Variants in USP30 observed in about 807,000 individuals in gnomAD.
USP30 encodes the protein ubiquitin carboxyl-terminal hydrolase 30.
In USP30, 41 loss-of-function variants were observed where a neutral mutation model predicts 68.2. That is an observed-to-expected ratio of 0.60 (90% CI 0.47 to 0.78). The LOEUF (loss-of-function observed/expected upper bound fraction) is 0.78, where lower values mean the gene tolerates loss of function less well. Among genes scored for constraint, USP30 ranks in the 30% least tolerant of loss-of-function variants. The pLI is 0.00. For synonymous variants in USP30, 229 were observed against 253.7 expected (o/e 0.90, Z 0.93); for missense variants, 522 against 649.4 (o/e 0.80, Z 2.13).
At chr12:109,063,462 G>A (rs1162061713) in intron 3 of USP30, among the ~76,000 whole-genome samples, 1 of 152,198 alleles carries the variant, frequency 6.6e-6, no homozygotes, top group East Asian at 1.9e-4. Flanking sequence ...CTGTCAGTCA[G>A]TGGACATTTG....
intron 1 of USP30, chr12:109,054,625 A>G (rs2040784938): frequency 1.3e-5 from 2 of 152,494 alleles, no homozygotes; most frequent in Admixed American, 6.5e-5. Flanking sequence ...GCTAACATTT[A>G]TTAAGTTCTT....
rs1289893198 is a variant in USP30 at position 109,082,049 on chromosome 12, A to G, written c.867+30A>G. The G allele has an allele frequency of 6.8e-6, 11 of 1,611,746 alleles. No individual in the cohort carries two copies. The East Asian group carries it at 2.5e-4, about 36-fold the overall frequency. ...GCATTGAACCCCAAATGTCATCGCC[A>G]GCTGGCCTGTGTGTGCTGATGTAGC... On this transcript the variant is annotated intron_variant, in intron 9 of 12. Transcript: ENST00000257548.
chr12:109,029,592 CCCAAGAGACTTTCCACCCTCCCT>C (rs1446562479), intron 3 of USP30, among the ~76,000 whole-genome samples: 4 of 152,160 alleles, frequency 2.6e-5, no homozygotes, highest in Non-Finnish European at 5.9e-5. Flanking sequence ...TTGGTGGTTA[CCCAAGAGACTTTCCACCCTCCCT>C]CCGTGCCTGA....
chr12:109,076,832 C>A (rs1478773967), intron 7 of USP30, among the ~76,000 whole-genome samples: 1 of 149,892 alleles, frequency 6.7e-6, no homozygotes, highest in Non-Finnish European at 1.5e-5. Flanking sequence ...CCCAGGTTCA[C>A]GCCATTCTCC....
intron 3 of USP30, among the ~76,000 whole-genome samples, chr12:109,040,013 T>C (rs2040552333): frequency 6.6e-6 from 1 of 152,232 alleles, no homozygotes; most frequent in Non-Finnish European, 1.5e-5. Flanking sequence ...TAAATATTTA[T>C]CACATTTTAA....
Position 109,055,369 on chromosome 12 carries a change from C to CATATATATACATATATATAT in USP30, c.84-1303_84-1284dup, listed in dbSNP as rs2040813301. Among the ~76,000 whole-genome samples the CATATATATACATATATATAT allele has an allele frequency of 1.2e-4, 8 of 68,794 alleles. No homozygotes were observed. In the East Asian group the frequency reaches 2.2e-3, roughly 19 times the overall value. 45.1% of individuals were successfully genotyped at this position (68,794 alleles called of 152,430 possible). A position where few individuals can be genotyped will look rare whatever the true frequency, so the allele number is the denominator to read the frequency against. ...TATTTTATATATATATACACACACA[C>CATATATATACATATATATAT]ATATATATACATATATATATATATA... On this transcript the variant is annotated intron_variant, in intron 1 of 12. Transcript: ENST00000257548.
At chr12:109,084,036 T>C (rs774664424) in intron 11 of USP30, among the ~76,000 whole-genome samples, 1 of 152,178 alleles carries the variant, frequency 6.6e-6, no homozygotes, top group Non-Finnish European at 1.5e-5. Flanking sequence ...GCAGGTTTAC[T>C]AATGTTGAGA....
intron 2 of USP30, 136 bp downstream of exon 2, chr12:109,056,927 A>G (rs989697903): frequency 1.8e-6 from 1 of 548,614 alleles, no homozygotes; most frequent in African/African-American, 1.9e-5. Flanking sequence ...AGGTTTTCAA[A>G]CAGTACTTTT....
rs893476115 is a variant in USP30, at chr12:109,087,307, C to T, written c.*1376C>T. On this transcript the variant is annotated 3_prime_UTR_variant, in exon 13 of 13. Transcript: ENST00000257548. Reference sequence around the variant, plus strand: ...GTCATCTGAGGTAAGGCTAAGACCGCACTTCCTCTGCTGGGGGTGAGCTGG... The same window carrying T: ...GTCATCTGAGGTAAGGCTAAGACCGTACTTCCTCTGCTGGGGGTGAGCTGG... 2 of 152,164 alleles carry T rather than the reference C, an allele frequency of 1.3e-5. No homozygotes were observed. Among genetic ancestry groups the T allele is most frequent in the Non-Finnish European group, 2.9e-5 (2 of 68,038 alleles). The allele number at this position is 152,164 out of a possible 1,614,324, so 9.4% of individuals were successfully genotyped here. A position where few individuals can be genotyped will look rare whatever the true frequency, so the allele number is the denominator to read the frequency against.
chr12:109,070,012 G>A lies in USP30; in HGVS notation c.481-1600G>A, dbSNP rs1410369447. Among the ~76,000 whole-genome samples the A allele has an allele frequency of 1.3e-5, 2 of 152,076 alleles. No individual in the cohort carries two copies. The highest frequency in any genetic ancestry group is 2.9e-5 in the Non-Finnish European group (2 of 67,998). ...GTGGAGGAGAGGGGCTGGCGAAGTT[G>A]GCAGGGAGCAGATTGTGCAGGGACT... On this transcript the variant is annotated intron_variant, in intron 4 of 12. Coordinates refer to ENST00000257548, the MANE Select transcript of USP30 (RefSeq NM_032663.5). This position sits in a 1 kb window ranked among gnomAD's most constrained non-coding sequence, Gnocchi z 4.0.
rs940664427 is a variant in USP30, at chr12:109,036,548, T to C, written c.-136+8992T>C. Among the ~76,000 whole-genome samples the C allele has an allele frequency of 3.9e-5, 6 of 152,300 alleles. No individual in the cohort carries two copies. The Middle Eastern group carries it at 0.014, about 345-fold the overall frequency. On this transcript the variant is annotated intron_variant, in intron 3 of 15. Coordinates refer to the USP30 transcript ENST00000392784. ...CCAGACCTGAGGTGATCCACCCTGC[T>C]TGGCCTCCCAAAGTGCTGGGATTAC... is the stretch of plus-strand genomic sequence containing the variant.
chr12:109,047,239 T>C (rs1289616098), intron 3 of USP30, among the ~76,000 whole-genome samples: 2 of 152,126 alleles, frequency 1.3e-5, no homozygotes, highest in East Asian at 1.9e-4. Context: ...AGACGATGTT[T>C]ACCCTACACT....
At chr12:109,023,627 A>ATTT (rs1244183009) in intron 1 of USP30, among the ~76,000 whole-genome samples, 5 of 79,504 alleles carry the variant, frequency 6.3e-5, no homozygotes, top group Admixed American at 1.6e-4. Flanking sequence ...CTTAATCAGG[A>ATTT]CTTTTTTTTT....
At chr12:109,077,708 A>G (rs1041048279) in intron 7 of USP30, among the ~76,000 whole-genome samples, 3 of 149,234 alleles carry the variant, frequency 2.0e-5, no homozygotes, top group Non-Finnish European at 4.4e-5. Context: ...TGTCTTACAT[A>G]TTTTCTTGTT....
chr12:109,055,132 T>C (rs1286106973), intron 1 of USP30, among the ~76,000 whole-genome samples: 1 of 151,852 alleles, frequency 6.6e-6, no homozygotes, highest in Non-Finnish European at 1.5e-5. Context: ...TATAACTTTG[T>C]ATAAAAACAA....
chr12:109,063,058 C>T (rs1014722778), intron 3 of USP30, among the ~76,000 whole-genome samples: 2 of 152,056 alleles, frequency 1.3e-5, no homozygotes, highest in African/African-American at 4.8e-5. Flanking sequence ...CATGTTATAC[C>T]ATGTATCAGA....
At chr12:109,076,276 A>C (rs1344882784) in intron 7 of USP30, among the ~76,000 whole-genome samples, 2 of 152,126 alleles carry the variant, frequency 1.3e-5, no homozygotes, top group Non-Finnish European at 2.9e-5. Context: ...ATTTTTGTAA[A>C]CATTCATTTA....
chr12:109,083,333 A>T (rs186845872), intron 11 of USP30, among the ~76,000 whole-genome samples: 1 of 152,262 alleles, frequency 6.6e-6, no homozygotes, highest in East Asian at 1.9e-4. Flanking sequence ...TTGCCTTCTA[A>T]TTTTTCCGCT....
At chr12:109,023,453 G>T (rs1369508263) in intron 1 of USP30, among the ~76,000 whole-genome samples, 1 of 152,000 alleles carries the variant, frequency 6.6e-6, no homozygotes. Flanking sequence ...TACTCGAGAG[G>T]CTGAGGCAGG....
Sources: allele counts gnomAD v4.1 joint callset (sites outside exome capture counted in the v4.1 genomes callset), GRCh38; gene constraint gnomAD v4.1.1; non-coding constraint Gnocchi (gnomAD v3.1); transcripts MANE v1.5; gene names NCBI Gene and HGNC (gene_info 2026-07-23, HGNC 2026-07-21).